The following PRR14L variants were observed in gnomAD, a reference collection of about 807,000 sequenced individuals.
PRR14L encodes proline rich 14 like, also known as protein PRR14L.
A neutral mutation model predicts 155.0 loss-of-function variants in PRR14L; 80 were observed. The ratio of observed to expected loss-of-function variants is 0.52; its 90% CI spans 0.43 to 0.62. PRR14L has a LOEUF of 0.62. Among genes scored for constraint, PRR14L ranks in the 20% least tolerant of loss-of-function variants. PRR14L has a pLI of 0.00. For missense variants in PRR14L, 2,469 were observed against 2,548.0 expected (o/e 0.97, Z 0.67); for synonymous variants, 883 against 916.0 (o/e 0.96, Z 0.65).
intron 2 of PRR14L, among the ~76,000 whole-genome samples, chr22:31,732,989 T>C (rs924162450): frequency 1.4e-5 from 2 of 138,476 alleles, no homozygotes; most frequent in East Asian, 4.2e-4. Flanking sequence ...GAAGTGTATC[T>C]TTTTTTTTTT....
At position 31,716,167 on chromosome 22, in the gene PRR14L, T is replaced by TACA. The variant is rs2074658115; in HGVS notation, c.1671_1672insTGT (p.Leu557_Asn558insCys). The TACA allele has an allele frequency of 2.6e-6, 4 of 1,551,436 alleles. No individual in the cohort carries two copies. Among genetic ancestry groups the TACA allele is most frequent in the Non-Finnish European group, 2.6e-6 (3 of 1,146,928 alleles). Reference sequence around the variant, plus strand: ...AGAAAATCATTACATGATGCTTCATTTAACTGGGTGTTGCCTTCCAGATTT... The same window carrying TACA: ...AGAAAATCATTACATGATGCTTCATTACATAACTGGGTGTTGCCTTCCAGATTT... On this transcript the variant is annotated inframe_insertion, in exon 4 of 9. Coordinates refer to ENST00000327423, the MANE Select transcript of PRR14L (RefSeq NM_173566.3).
intron 7 of PRR14L, among the ~76,000 whole-genome samples, chr22:31,695,863 T>C (rs2074532856): frequency 6.6e-6 from 1 of 152,154 alleles, no homozygotes; most frequent in Admixed American, 6.6e-5. Context: ...GAGTGTACCC[T>C]TCAGGATTCT....
rs2074662502 is a variant in PRR14L at position 31,716,728 on chromosome 22, T to G, written c.1111A>C (p.Lys371Gln). The G allele has an allele frequency of 1.9e-6, 3 of 1,551,868 alleles. No individual in the cohort carries two copies. The African/African-American group carries it at 4.1e-5, about 21-fold the overall frequency. Residue 371 changes from lysine (K) to glutamine (Q), a missense_variant, in exon 4 of 9, where the codon AAG (lysine) becomes CAG (glutamine). Transcript: ENST00000327423. ...NCGFEGGGLL[K>Q]RSAEKTDSSY... ...CTGTCTGTCTTTTCAGCAGATCTCT[T>G]TAGCAAACCACCACCTTCAAAACCA...
At chr22:31,737,144 C>T (rs190938521) in intron 2 of PRR14L, among the ~76,000 whole-genome samples, 2 of 151,992 alleles carry the variant, frequency 1.3e-5, no homozygotes, top group East Asian at 3.9e-4. Flanking sequence ...TAGAAAACCA[C>T]CCTGTGGAGA....
chr22:31,697,224 C>A (rs1258788347), intron 7 of PRR14L, among the ~76,000 whole-genome samples: 1 of 151,436 alleles, frequency 6.6e-6, no homozygotes, highest in Non-Finnish European at 1.5e-5. Context: ...ATCACTGGAA[C>A]CCAGGAGGTG....
chr22:31,734,946 T>C (rs2074770473), intron 2 of PRR14L, among the ~76,000 whole-genome samples: 1 of 152,250 alleles, frequency 6.6e-6, no homozygotes, highest in African/African-American at 2.4e-5. Flanking sequence ...TCAATTCTAA[T>C]TGACCTGCTA....
rs2074659730 is a variant in PRR14L at position 31,716,373 on chromosome 22, T to G, written c.1466A>C (p.Asn489Thr). The change falls in exon 4 of 9, where the codon AAC becomes ACC. Residue 489 changes from asparagine (N) to threonine (T), a missense_variant. Asn to Thr is a moderately conservative substitution (Grantham distance 65). Coordinates refer to ENST00000327423, the MANE Select transcript of PRR14L (RefSeq NM_173566.3). ...ITVHVQGNLT[N>T]PEDHKETFTN... ...AAAAGTTTCTTTATGGTCCTCAGGG[T>G]TTGTCAAGTTACCTTGAACGTGTAC... 1 of 1,550,528 alleles carries G rather than the reference T, an allele frequency of 6.4e-7. No individual in the cohort carries two copies.
Position 31,712,635 on chromosome 22 carries a change from G to A in PRR14L, c.5204C>T (p.Ser1735Leu). The A allele has an allele frequency of 6.4e-7, 1 of 1,551,758 alleles. No homozygotes were observed. Among genetic ancestry groups the A allele is most frequent in the Non-Finnish European group, 8.7e-7 (1 of 1,147,002 alleles). Reference protein sequence around the residue: ...SSSSDCTTESSRTFPEHCAPA... With the variant: ...SSSSDCTTESLRTFPEHCAPA... The stretch of plus-strand genomic sequence containing the variant: ...AGCACAGTGCTCAGGAAAAGTCCTT[G>A]AGGACTCAGTCGTGCAATCTGAGCT... Residue 1735 changes from serine to leucine, a missense_variant, in exon 4 of 9, where the codon TCA (serine) becomes TTA (leucine). Ser to Leu is a moderately radical substitution (Grantham distance 145). Coordinates refer to ENST00000327423, the MANE Select transcript of PRR14L (RefSeq NM_173566.3).
intron 2 of PRR14L, among the ~76,000 whole-genome samples, chr22:31,731,733 T>C: frequency 6.6e-6 from 1 of 152,116 alleles, no homozygotes; most frequent in Non-Finnish European, 1.5e-5. Flanking sequence ...AGAACACATA[T>C]AGGCATTTTG....
chr22:31,738,240 A>T (rs2074793107), intron 2 of PRR14L, 147 bp downstream of exon 2: 1 of 713,642 alleles, frequency 1.4e-6, no homozygotes, highest in African/African-American at 1.8e-5. Context: ...ATGTTTTAAA[A>T]GATCATCAAA....
chr22:31,749,383 T>A (rs987478441), intron 1 of PRR14L, among the ~76,000 whole-genome samples: 3 of 152,186 alleles, frequency 2.0e-5, no homozygotes, highest in Non-Finnish European at 4.4e-5. Context: ...AAGGTTGATT[T>A]CTGATACCAT....
At chr22:31,732,155 C>T (rs1200563311) in intron 2 of PRR14L, among the ~76,000 whole-genome samples, 3 of 152,176 alleles carry the variant, frequency 2.0e-5, no homozygotes, top group African/African-American at 7.2e-5. Flanking sequence ...TAAGCAGATA[C>T]TTCTATATAT....
chr22:31,722,013 C>T (rs923879520), intron 3 of PRR14L, among the ~76,000 whole-genome samples: 2 of 152,126 alleles, frequency 1.3e-5, no homozygotes, highest in Non-Finnish European at 2.9e-5. Flanking sequence ...CACTGAAGTC[C>T]TCCCACTCAG....
At chr22:31,707,369 G>A (rs1409947411) in intron 4 of PRR14L, among the ~76,000 whole-genome samples, 2 of 151,994 alleles carry the variant, frequency 1.3e-5, no homozygotes. Context: ...CAAACAGTTT[G>A]GAGGAAGTGG....
intron 2 of PRR14L, among the ~76,000 whole-genome samples, chr22:31,728,014 C>G (rs899308644): frequency 6.6e-6 from 1 of 151,488 alleles, no homozygotes; most frequent in Non-Finnish European, 1.5e-5. Context: ...TTGAATCAAT[C>G]GACAATAAAA....
chr22:31,706,442 T>TTTTTTTTTTTTTG (rs1238688535), intron 4 of PRR14L, among the ~76,000 whole-genome samples: 10 of 151,546 alleles, frequency 6.6e-5, no homozygotes, highest in Admixed American at 3.3e-4. Flanking sequence ...TTCTTTTTTT[T>TTTTTTTTTTTTTG]GAGACGGAGT....
At chr22:31,720,472 C>T (rs1287179439) in intron 3 of PRR14L, among the ~76,000 whole-genome samples, 2 of 152,196 alleles carry the variant, frequency 1.3e-5, no homozygotes, top group African/African-American at 2.4e-5. Context: ...GTGGCTCACA[C>T]CTGTAATCCC....
Position 31,714,644 on chromosome 22 carries a change from T to C in PRR14L, c.3195A>G (p.Ala1065=), listed in dbSNP as rs1470424527. 5.8e-6 allele frequency: 9 copies of C among 1,552,184 alleles called. No individual in the cohort carries two copies. Among genetic ancestry groups the C allele is most frequent in the Non-Finnish European group, 7.8e-6 (9 of 1,147,090 alleles). ...ATGCCTTCACGTCCAGCACACCTTC[T>C]GCAAGCTTATTACTACAGTCCGTGT... is the stretch of plus-strand genomic sequence containing the variant. The part of the protein sequence containing the change: ...IVYTDCSNKL[A]EGVLDVKASN... The change falls in exon 4 of 9, where the codon GCA becomes GCG. Residue 1065 remains alanine, a synonymous_variant. Coordinates refer to ENST00000327423, the MANE Select transcript of PRR14L (RefSeq NM_173566.3).
At chr22:31,701,996 C>T (rs1490101548) in intron 6 of PRR14L, among the ~76,000 whole-genome samples, 2 of 152,160 alleles carry the variant, frequency 1.3e-5, no homozygotes, top group East Asian at 1.9e-4. Flanking sequence ...GATGGGGTCT[C>T]GCTATATTGC....
Sources: gnomAD v4.1 joint callset for allele counts (sites outside exome capture counted in the v4.1 genomes callset) on GRCh38, gnomAD v4.1.1 for gene constraint, MANE v1.5 for transcripts, NCBI Gene and HGNC (gene_info 2026-07-23, HGNC 2026-07-21) for gene names.